Variants in UNC5C observed in about 807,000 individuals in gnomAD.
UNC5C encodes the protein netrin receptor UNC5C.
In UNC5C, 47 loss-of-function variants were observed where a neutral mutation model predicts 99.8. That is an observed-to-expected ratio of 0.47 (90% CI 0.37 to 0.60). The LOEUF (loss-of-function observed/expected upper bound fraction) is 0.60, where lower values mean the gene tolerates loss of function less well. Ranked by LOEUF, UNC5C falls within the 20% of genes least tolerant of loss-of-function variation. The probability of loss-of-function intolerance (pLI) is 0.00; values close to 1 mark genes in which losing one functional copy is unlikely to be tolerated. For missense variants in UNC5C, 1,062 were observed against 1,165.9 expected (o/e 0.91, Z 1.30); for synonymous variants, 487 against 452.2 (o/e 1.08, Z -0.98).
At chr4:95,334,690 A>T (rs957165082) in intron 2 of UNC5C, among the ~76,000 whole-genome samples, 8 of 151,978 alleles carry the variant, frequency 5.3e-5, no homozygotes, top group African/African-American at 1.9e-4. Context: ...ATTAGAATCT[A>T]CTCCATCCTT....
chr4:95,238,894 T>A (rs576876182), intron 7 of UNC5C, among the ~76,000 whole-genome samples: 1 of 152,270 alleles, frequency 6.6e-6, no homozygotes, highest in Non-Finnish European at 1.5e-5. Context: ...ATTCCATTTG[T>A]TTTTTTCTCC....
intron 14 of UNC5C, among the ~76,000 whole-genome samples, chr4:95,176,983 TG>T (rs71583690): frequency 3.3e-5 from 5 of 152,082 alleles, no homozygotes; most frequent in South Asian, 2.1e-4. Flanking sequence ...GCGCAGTACT[TG>T]GGGGGGAGTG....
In UNC5C at chr4:95,166,064, G is replaced by T. The variant is rs562672159; in HGVS notation, c.*3170C>A. ...AACTCTACAGGTTTTCATTCCCTTC[G>T]TCAAACACATTCTAGTGAATATTAA... On this transcript the variant is annotated 3_prime_UTR_variant, in exon 16 of 16. Coordinates refer to ENST00000453304, the MANE Select transcript of UNC5C (RefSeq NM_003728.4). 1 of 152,234 alleles carries T rather than the reference G, an allele frequency of 6.6e-6. No individual in the cohort carries two copies. Among genetic ancestry groups the T allele is most frequent in the South Asian group, 2.1e-4 (1 of 4,820 alleles). The allele number at this position is 152,234 out of a possible 1,614,324, so 9.4% of individuals were successfully genotyped here.
chr4:95,402,487 G>C (rs1745728222), intron 1 of UNC5C, among the ~76,000 whole-genome samples: 1 of 152,148 alleles, frequency 6.6e-6, no homozygotes, highest in African/African-American at 2.4e-5. Context: ...GAATAAAAGT[G>C]CATAATAATG....
intron 3 of UNC5C, among the ~76,000 whole-genome samples, chr4:95,295,724 G>T (rs753067795): frequency 6.6e-6 from 1 of 152,194 alleles, no homozygotes; most frequent in Non-Finnish European, 1.5e-5. Flanking sequence ...TGCCATTTAT[G>T]TGATGGCCCT....
intron 2 of UNC5C, among the ~76,000 whole-genome samples, chr4:95,319,252 G>C (rs2149412119): frequency 6.6e-6 from 1 of 152,300 alleles, no homozygotes; most frequent in South Asian, 2.1e-4. Flanking sequence ...TATCTCTGGG[G>C]CTGGGGCCAG....
intron 3 of UNC5C, among the ~76,000 whole-genome samples, chr4:95,300,081 C>A (rs1031856780): frequency 3.3e-5 from 5 of 152,066 alleles, no homozygotes; most frequent in Non-Finnish European, 7.4e-5. Context: ...ATATTGGCAT[C>A]CAACACAAAA....
intron 7 of UNC5C, among the ~76,000 whole-genome samples, chr4:95,239,097 G>A (rs1262441685): frequency 6.6e-6 from 1 of 152,096 alleles, no homozygotes; most frequent in African/African-American, 2.4e-5. Context: ...TTGGGTGATT[G>A]GGAACTTTGT....
intron 3 of UNC5C, among the ~76,000 whole-genome samples, chr4:95,298,537 C>T (rs964006942): frequency 1.3e-5 from 2 of 151,998 alleles, no homozygotes; most frequent in Non-Finnish European, 2.9e-5. Context: ...GCTGTCCCCT[C>T]TGCCTGATTC....
At chr4:95,389,193 C>G (rs548846259) in intron 1 of UNC5C, among the ~76,000 whole-genome samples, 1 of 152,120 alleles carries the variant, frequency 6.6e-6, no homozygotes, top group Non-Finnish European at 1.5e-5. Flanking sequence ...TACAAACCCA[C>G]AAAACATGCA....
intron 2 of UNC5C, among the ~76,000 whole-genome samples, chr4:95,311,119 C>T (rs574002744): frequency 3.3e-5 from 5 of 152,088 alleles, no homozygotes; most frequent in Admixed American, 6.6e-5. Flanking sequence ...AAAGTTGCAA[C>T]GAATTGCTAG....
At chr4:95,244,898 A>C in intron 6 of UNC5C, 79 bp downstream of exon 6, 1 of 1,532,624 alleles carries the variant, frequency 6.5e-7, no homozygotes, top group African/African-American at 1.4e-5. Context: ...ATCAAGAATA[A>C]AGTCTGTGTA....
chr4:95,467,473 C>T (rs1054283818), intron 1 of UNC5C, among the ~76,000 whole-genome samples: 2 of 152,118 alleles, frequency 1.3e-5, no homozygotes, highest in African/African-American at 2.4e-5. Flanking sequence ...CATATATTTT[C>T]TTTTCACATT....
chr4:95,371,242 G>A lies in UNC5C; in HGVS notation c.125-35611C>T, dbSNP rs370276323. On this transcript the variant is annotated intron_variant, in intron 1 of 15. Transcript: ENST00000453304. ...GCTGTTTCATAACGTTTCTCCATAG[G>A]TTATATCTTGACAGAAAAACGGACA... Among the ~76,000 whole-genome samples the A allele has an allele frequency of 1.7e-4, 26 of 152,014 alleles. No individual in the cohort carries two copies. The South Asian group carries it at 4.6e-3, about 27-fold the overall frequency.
At chr4:95,170,915 A>T (rs1251352710) in intron 14 of UNC5C, among the ~76,000 whole-genome samples, 3 of 152,252 alleles carry the variant, frequency 2.0e-5, no homozygotes, top group African/African-American at 7.2e-5. Flanking sequence ...TAAAAAAGAA[A>T]ATGGTAAACA....
chr4:95,518,014 T>A (rs754855795), intron 1 of UNC5C, among the ~76,000 whole-genome samples: 3 of 152,182 alleles, frequency 2.0e-5, no homozygotes, highest in Non-Finnish European at 2.9e-5. Context: ...TTAACTCTAA[T>A]CATGGATCAC....
intron 1 of UNC5C, among the ~76,000 whole-genome samples, chr4:95,526,412 C>T (rs1722498928): frequency 6.6e-6 from 1 of 151,970 alleles, no homozygotes; most frequent in African/African-American, 2.4e-5. Flanking sequence ...AAGAATGAAC[C>T]TGTTGAAGAA....
At chr4:95,234,867 T>C (rs1202429718) in intron 7 of UNC5C, among the ~76,000 whole-genome samples, 1 of 152,196 alleles carries the variant, frequency 6.6e-6, no homozygotes, top group African/African-American at 2.4e-5. Flanking sequence ...CTGAAATTGT[T>C]TAAGACCACG....
chr4:95,351,778 T>C (rs921928672), intron 1 of UNC5C, among the ~76,000 whole-genome samples: 36 of 152,134 alleles, frequency 2.4e-4, no homozygotes, highest in Admixed American at 6.6e-4. Flanking sequence ...ACTAAATACA[T>C]TCCTTCACTG....
Sources: allele counts gnomAD v4.1 joint callset (sites outside exome capture counted in the v4.1 genomes callset), GRCh38; gene constraint gnomAD v4.1.1; transcripts MANE v1.5; gene names NCBI Gene and HGNC (gene_info 2026-07-23, HGNC 2026-07-21).